The following NDUFV2 variants were observed in gnomAD, a reference collection of about 807,000 sequenced individuals.
The protein encoded by NDUFV2 is NADH dehydrogenase [ubiquinone] flavoprotein 2, mitochondrial.
NDUFV2 carries 18 observed loss-of-function variants against 31.6 expected under a neutral mutation model. That is an observed-to-expected ratio of 0.57 (90% CI 0.39 to 0.84). The LOEUF is 0.84. Ranked by LOEUF, NDUFV2 falls within the 40% of genes least tolerant of loss-of-function variation. NDUFV2 has a pLI of 0.00. For missense variants in NDUFV2, 314 were observed against 303.6 expected, an observed-to-expected ratio of 1.03 and a Z score of -0.26; for synonymous variants, 83 against 99.8, an observed-to-expected ratio of 0.83 and a Z score of 1.01.
chr18:9,118,916 T>C (rs1206917415), intron 2 of NDUFV2, among the ~76,000 whole-genome samples: 2 of 149,958 alleles, frequency 1.3e-5, no homozygotes, highest in Non-Finnish European at 3.0e-5. Context: ...GACAATCTGA[T>C]AACCTTGCTT....
chr18:9,125,970 C>G (rs1349758675), intron 6 of NDUFV2, among the ~76,000 whole-genome samples: 1 of 152,202 alleles, frequency 6.6e-6, no homozygotes, highest in Non-Finnish European at 1.5e-5. Flanking sequence ...GTTAGACTCT[C>G]TGGGGCTGGC....
At chr18:9,112,891 G>C (rs2077878748) in intron 1 of NDUFV2, among the ~76,000 whole-genome samples, 1 of 152,124 alleles carries the variant, frequency 6.6e-6, no homozygotes, top group South Asian at 2.1e-4. Context: ...ACAGAGTAGG[G>C]ATACAAGAAT....
intron 5 of NDUFV2, among the ~76,000 whole-genome samples, chr18:9,124,270 ATTTTTACT>A (rs1568193995): frequency 1.3e-5 from 2 of 149,458 alleles, no homozygotes; most frequent in African/African-American, 5.0e-5. Context: ...ACTGTAAAAA[ATTTTTACT>A]ACTGTAAAAA....
intron 5 of NDUFV2, among the ~76,000 whole-genome samples, chr18:9,123,734 C>T (rs2077960897): frequency 6.6e-6 from 1 of 152,102 alleles, no homozygotes; most frequent in Admixed American, 6.5e-5. Context: ...TCAAGCAATC[C>T]TCCTACCTTG....
At chr18:9,119,438 C>T in intron 3 of NDUFV2, 36 bp from the exon 4 acceptor site, 1 of 1,602,422 alleles carries the variant, frequency 6.2e-7, no homozygotes, top group East Asian at 2.2e-5. Context: ...GTAATATTTT[C>T]TAGATGTATA....
In NDUFV2 at chr18:9,102,708, T is replaced by C. The variant is rs975496182; in HGVS notation, c.-36T>C. On this transcript the variant is annotated 5_prime_UTR_variant, in exon 1 of 8. Transcript: ENST00000318388. The stretch of plus-strand genomic sequence containing the variant: ...CCTGGGCGCGCTCGGGATTCTCGCC[T>C]GGCGCGGCTGGGGAAGGTGAACAGT... 3.2e-6 allele frequency: 5 copies of C among 1,568,942 alleles called. No individual in the cohort carries two copies. The highest frequency in any genetic ancestry group is 4.3e-6 in the Non-Finnish European group (5 of 1,159,988).
rs139650842 is a variant in NDUFV2, at chr18:9,102,714, G to T, written c.-30G>T. On this transcript the variant is annotated 5_prime_UTR_variant, in exon 1 of 8. Coordinates refer to ENST00000318388, the MANE Select transcript of NDUFV2 (RefSeq NM_021074.5). The stretch of plus-strand genomic sequence containing the variant: ...CGCGCTCGGGATTCTCGCCTGGCGC[G>T]GCTGGGGAAGGTGAACAGTGTGGCC... 604 of 1,572,884 alleles carry T rather than the reference G, an allele frequency of 3.8e-4. 2 individuals carry two copies. The African/African-American group carries it at 7.3e-3, about 19-fold the overall frequency.
intron 1 of NDUFV2, among the ~76,000 whole-genome samples, chr18:9,114,938 T>C (rs2077890668): frequency 6.6e-6 from 1 of 152,186 alleles, no homozygotes; most frequent in Non-Finnish European, 1.5e-5. Context: ...TTATTTTAAG[T>C]AAAAGTACAT....
At position 9,126,766 on chromosome 18, in the gene NDUFV2, C is replaced by T. The variant is rs562209765; in HGVS notation, c.580-65C>T. ...CCTGGGCAACATAGTGAGACCTTGT[C>T]TCTATAAATATATCGATATAAAAGA... On this transcript the variant is annotated intron_variant, in intron 6 of 7. Coordinates refer to ENST00000318388, the MANE Select transcript of NDUFV2 (RefSeq NM_021074.5). 5.0e-6 allele frequency: 7 copies of T among 1,405,962 alleles called. No individual in the cohort carries two copies. The African/African-American group carries it at 1.0e-4, about 20-fold the overall frequency. 87.1% of individuals were successfully genotyped at this position (1,405,962 alleles called of 1,614,324 possible).
intron 4 of NDUFV2, among the ~76,000 whole-genome samples, chr18:9,122,121 A>G (rs2144746411): frequency 6.6e-6 from 1 of 152,168 alleles, no homozygotes; most frequent in African/African-American, 2.4e-5. Context: ...TGCTTCTTTT[A>G]TTGGGGTTTG....
chr18:9,117,643 G>A, intron 1 of NDUFV2, 195 bp from the exon 2 acceptor site: 1 of 530,186 alleles, frequency 1.9e-6, no homozygotes, highest in South Asian at 2.2e-5. Flanking sequence ...TGTTAGGTGG[G>A]TGAATCTTGG....
chr18:9,133,041 T>C (rs2078054074), intron 7 of NDUFV2, among the ~76,000 whole-genome samples: 3 of 151,892 alleles, frequency 2.0e-5, no homozygotes, highest in Non-Finnish European at 1.5e-5. Context: ...TCCAAAGATA[T>C]TAACTAAGTT....
At chr18:9,129,373 A>G (rs1263240985) in intron 7 of NDUFV2, among the ~76,000 whole-genome samples, 2 of 152,246 alleles carry the variant, frequency 1.3e-5, no homozygotes, top group Non-Finnish European at 2.9e-5. Flanking sequence ...ACATTACATT[A>G]AATACTCAAC....
intron 7 of NDUFV2, among the ~76,000 whole-genome samples, chr18:9,127,421 T>C (rs1164963067): frequency 1.3e-5 from 2 of 152,236 alleles, no homozygotes; most frequent in Non-Finnish European, 2.9e-5. Context: ...GACTATTTAA[T>C]GCTTTAATGT....
At chr18:9,114,372 ACT>A (rs2077886437) in intron 1 of NDUFV2, among the ~76,000 whole-genome samples, 1 of 152,088 alleles carries the variant, frequency 6.6e-6, no homozygotes, top group East Asian at 1.9e-4. Flanking sequence ...TTTGACAGTA[ACT>A]CTTTGATAAA....
In NDUFV2 at chr18:9,122,659, G is replaced by A; in HGVS notation, c.447G>A (p.Leu149=). Residue 149 remains leucine, a synonymous_variant, in exon 5 of 8, where the codon CTG becomes CTA. Coordinates refer to ENST00000318388, the MANE Select transcript of NDUFV2 (RefSeq NM_021074.5). ...PCMLRNSDSI[L]EAIQKKLGIK... Reference sequence around the variant, plus strand: ...TGCTTCGAAACTCTGACAGCATACTGGAGGCCATTCAGAAAAAGCTTGGTA... The same window carrying A: ...TGCTTCGAAACTCTGACAGCATACTAGAGGCCATTCAGAAAAAGCTTGGTA... The A allele has an allele frequency of 6.2e-7, 1 of 1,613,922 alleles. No individual in the cohort carries two copies. The highest frequency in any genetic ancestry group is 1.3e-5 in the African/African-American group (1 of 75,020).
rs2077992910 is a variant in NDUFV2 at position 9,126,634 on chromosome 18, G to C, written c.580-197G>C. The stretch of plus-strand genomic sequence containing the variant: ...TGGCATTAGGGATTTACAGATTTCA[G>C]CCGTAGAAAGTAATTTTGTGCCATG... On this transcript the variant is annotated intron_variant, in intron 6 of 7. Transcript: ENST00000318388. 6 of 540,776 alleles carry C rather than the reference G, an allele frequency of 1.1e-5. No individual in the cohort carries two copies. The South Asian group carries it at 1.3e-4, about 11-fold the overall frequency. The allele number at this position is 540,776 out of a possible 1,614,324, so 33.5% of individuals were successfully genotyped here.
At chr18:9,103,892 G>C (rs777010291) in intron 1 of NDUFV2, 31 of 403,396 alleles carry the variant, frequency 7.7e-5, no homozygotes, top group Non-Finnish European at 1.2e-4. Flanking sequence ...CAAGCACCGA[G>C]TTAAATATCT....
chr18:9,122,451 ATAAT>A (rs1354618635), intron 4 of NDUFV2, 58 bp from the exon 5 acceptor site: 10 of 1,403,412 alleles, frequency 7.1e-6, no homozygotes, highest in Admixed American at 3.4e-5. Flanking sequence ...TTTGTACAAC[ATAAT>A]TAAAGCTCCA....
Sources: gnomAD v4.1 joint callset for allele counts (sites outside exome capture counted in the v4.1 genomes callset) on GRCh38, gnomAD v4.1.1 for gene constraint, MANE v1.5 for transcripts, NCBI Gene and HGNC (gene_info 2026-07-23, HGNC 2026-07-21) for gene names.